Variants in NTNG1 observed in about 807,000 individuals in gnomAD.
NTNG1 encodes netrin-G1.
A neutral mutation model predicts 54.0 loss-of-function variants in NTNG1; 16 were observed. The ratio of observed to expected loss-of-function variants is 0.30; its 90% confidence interval spans 0.20 to 0.45. NTNG1 has a LOEUF of 0.45. NTNG1 is among the 20% of genes least tolerant of loss of function. The probability of loss-of-function intolerance (pLI) is 1.00; values close to 1 mark genes in which losing one functional copy is unlikely to be tolerated. For missense variants in NTNG1, 530 were observed against 678.7 expected, an observed-to-expected ratio of 0.78 and a Z score of 2.43; for synonymous variants, 255 against 263.1, an observed-to-expected ratio of 0.97 and a Z score of 0.30.
chr1:107,178,374 A>T (rs772151497), intron 2 of NTNG1, among the ~76,000 whole-genome samples: 1 of 151,912 alleles, frequency 6.6e-6, no homozygotes, highest in African/African-American at 2.4e-5. Context: ...GTGAGTTTTC[A>T]TTTGCCCCGT....
At chr1:107,361,396 T>TA (rs1363014953) in intron 3 of NTNG1, among the ~76,000 whole-genome samples, 2,160 of 136,076 alleles carry the variant, frequency 0.016, 63 homozygotes, top group African/African-American at 0.053. Flanking sequence ...TATATATTTT[T>TA]TTTTTTTTTT....
At chr1:107,437,130 C>T (rs1675654167) in intron 7 of NTNG1, among the ~76,000 whole-genome samples, 1 of 152,102 alleles carries the variant, frequency 6.6e-6, no homozygotes. Context: ...GGGTGATGTG[C>T]ATGTGATTAA....
At chr1:107,452,512 G>A (rs1239616017) in intron 7 of NTNG1, among the ~76,000 whole-genome samples, 1 of 152,142 alleles carries the variant, frequency 6.6e-6, no homozygotes. Flanking sequence ...TGGGAAGTGG[G>A]GCCTACAGGG....
At chr1:107,164,541 G>A (rs1369850616) in intron 2 of NTNG1, among the ~76,000 whole-genome samples, 1 of 152,184 alleles carries the variant, frequency 6.6e-6, no homozygotes, top group African/African-American at 2.4e-5. Context: ...AGCTCATAGC[G>A]AAAGCAGAGA....
intron 7 of NTNG1, among the ~76,000 whole-genome samples, chr1:107,478,916 T>C (rs1678513436): frequency 6.6e-6 from 1 of 152,246 alleles, no homozygotes; most frequent in Non-Finnish European, 1.5e-5. Flanking sequence ...CAGCTACAGA[T>C]CTTGACATTT....
chr1:107,303,203 C>T (rs1370742617), intron 2 of NTNG1, among the ~76,000 whole-genome samples: 1 of 152,042 alleles, frequency 6.6e-6, no homozygotes, highest in Non-Finnish European at 1.5e-5. Context: ...TTGAGTAGAC[C>T]AGTGCAATGC....
At chr1:107,431,736 T>A (rs2101337981) in intron 6 of NTNG1, among the ~76,000 whole-genome samples, 2 of 152,298 alleles carry the variant, frequency 1.3e-5, no homozygotes, top group Middle Eastern at 3.4e-3. Flanking sequence ...TTTCACTTCA[T>A]AATTCACTCT....
At chr1:107,443,045 C>T (rs902937048) in intron 7 of NTNG1, among the ~76,000 whole-genome samples, 3 of 152,116 alleles carry the variant, frequency 2.0e-5, no homozygotes, top group African/African-American at 4.8e-5. Context: ...CTATCAGTGA[C>T]GCTTTCTGGA....
intron 5 of NTNG1, among the ~76,000 whole-genome samples, chr1:107,412,901 A>G (rs993048025): frequency 6.6e-6 from 1 of 152,080 alleles, no homozygotes; most frequent in Non-Finnish European, 1.5e-5. Context: ...TAAACCAAAA[A>G]TTTTTCTTCA....
At chr1:107,206,415 C>T (rs1322754834) in intron 2 of NTNG1, among the ~76,000 whole-genome samples, 1 of 151,892 alleles carries the variant, frequency 6.6e-6, no homozygotes, top group Non-Finnish European at 1.5e-5. Context: ...TTTACGTTTA[C>T]TGGCCCTTTG....
chr1:107,375,027 A>G (rs755639762), intron 3 of NTNG1, among the ~76,000 whole-genome samples: 9 of 152,182 alleles, frequency 5.9e-5, no homozygotes, highest in Non-Finnish European at 1.2e-4. Context: ...CACTATTCCT[A>G]GCCTTGTGTG....
chr1:107,231,927 C>A (rs1332735577), intron 2 of NTNG1, among the ~76,000 whole-genome samples: 1 of 152,124 alleles, frequency 6.6e-6, no homozygotes, highest in Non-Finnish European at 1.5e-5. Flanking sequence ...TGGAAACTTA[C>A]CAGGCTTTTT....
At chr1:107,477,474 G>A (rs1445455789) in intron 7 of NTNG1, among the ~76,000 whole-genome samples, 1 of 152,116 alleles carries the variant, frequency 6.6e-6, no homozygotes, top group African/African-American at 2.4e-5. Context: ...CAGAGTTCTG[G>A]CCTCAACATC....
intron 3 of NTNG1, among the ~76,000 whole-genome samples, chr1:107,391,200 C>T (rs973315605): frequency 2.6e-5 from 4 of 152,092 alleles, no homozygotes; most frequent in Non-Finnish European, 4.4e-5. Context: ...GGAAAAGGGG[C>T]AAGAGATAAA....
rs1475251582 is a variant in NTNG1 at position 107,483,918 on chromosome 1, C to T, written c.*3078C>T. Among the ~76,000 whole-genome samples, 3 of 152,176 alleles carry T rather than the reference C, an allele frequency of 2.0e-5. No homozygotes were observed. The highest frequency in any genetic ancestry group is 7.2e-5 in the African/African-American group (3 of 41,434). ...GGTTATTTATTTCTGACCCTGTACA[C>T]AGCCTAGGGGAAGAATTTAGTCCAG... On this transcript the variant is annotated 3_prime_UTR_variant, in exon 8 of 8. Transcript: ENST00000370068.
intron 3 of NTNG1, among the ~76,000 whole-genome samples, chr1:107,356,630 T>C (rs1410264822): frequency 2.0e-5 from 3 of 151,338 alleles, no homozygotes; most frequent in African/African-American, 7.3e-5. Context: ...ATAAGAATGA[T>C]TTTTTTTTAA....
intron 2 of NTNG1, among the ~76,000 whole-genome samples, chr1:107,282,297 T>G (rs1030322584): frequency 1.3e-5 from 2 of 152,116 alleles, no homozygotes; most frequent in African/African-American, 4.8e-5. Flanking sequence ...GTCTGTTCTT[T>G]CTCCCTACGA....
At chr1:107,467,406 A>G (rs1454488176) in intron 7 of NTNG1, among the ~76,000 whole-genome samples, 2 of 152,238 alleles carry the variant, frequency 1.3e-5, no homozygotes. Flanking sequence ...TGTGACTCTG[A>G]CAGTCTATCT....
At chr1:107,356,886 C>T (rs1669965315) in intron 3 of NTNG1, among the ~76,000 whole-genome samples, 1 of 152,006 alleles carries the variant, frequency 6.6e-6, no homozygotes. Context: ...ACCTGTAATC[C>T]TAGCTACTCG....
Sources: gnomAD v4.1 joint callset for allele counts (sites outside exome capture counted in the v4.1 genomes callset) on GRCh38, gnomAD v4.1.1 for gene constraint, MANE v1.5 for transcripts, NCBI Gene and HGNC (gene_info 2026-07-23, HGNC 2026-07-21) for gene names.